Variants in LRRC4C observed in about 807,000 individuals in gnomAD.
LRRC4C encodes leucine-rich repeat-containing protein 4C.
Under a neutral mutation model 33.6 loss-of-function variants are expected in LRRC4C, and 5 were observed. The observed-to-expected ratio is 0.15, with a 90% CI of 0.08 to 0.31. The LOEUF (loss-of-function observed/expected upper bound fraction) is 0.31. Ranked by LOEUF, LRRC4C falls within the 10% of genes least tolerant of loss-of-function variation. LRRC4C has a pLI of 1.00. For synonymous variants in LRRC4C, 329 were observed against 302.0 expected (o/e 1.09, Z -0.93); for missense variants, 560 against 796.7 (o/e 0.70, Z 3.58).
intron 6 of LRRC4C, among the ~76,000 whole-genome samples, chr11:40,118,097 A>G (rs1315796073): frequency 1.3e-5 from 2 of 148,644 alleles, no homozygotes; most frequent in East Asian, 1.9e-4. Context: ...ATAATGAAAT[A>G]TTAATTTCAT....
intron 3 of LRRC4C, among the ~76,000 whole-genome samples, chr11:40,461,887 A>T (rs149636425): frequency 6.6e-6 from 1 of 151,804 alleles, no homozygotes; most frequent in Admixed American, 6.6e-5. Flanking sequence ...GGTTTATAAT[A>T]AGCATAGTTA....
chr11:41,089,991 T>G (rs1940289690), intron 1 of LRRC4C, among the ~76,000 whole-genome samples: 1 of 149,924 alleles, frequency 6.7e-6, no homozygotes, highest in Admixed American at 6.8e-5. Context: ...AACAATTTAA[T>G]AGTAAGAATA....
At position 40,323,884 on chromosome 11, in the gene LRRC4C, T is replaced by G. The variant is rs994716320; in HGVS notation, c.-269-4163A>C. Among the ~76,000 whole-genome samples, 14 of 152,288 alleles carry G rather than the reference T, an allele frequency of 9.2e-5. 1 individual carries two copies. The highest frequency in any genetic ancestry group is 7.8e-4 in the Admixed American group (12 of 15,302). ...GGTATCAGAGGTAGCTAGATAAGAC[T>G]GAGGAGAATCAAGGACAACTATCTG... On this transcript the variant is annotated intron_variant, in intron 3 of 6. Coordinates refer to ENST00000528697, the MANE Select transcript of LRRC4C (RefSeq NM_001258419.2).
chr11:40,610,559 C>G (rs1961111624), intron 3 of LRRC4C, among the ~76,000 whole-genome samples: 2 of 142,016 alleles, frequency 1.4e-5, no homozygotes, highest in Non-Finnish European at 3.2e-5. Context: ...AAAAAGCGTT[C>G]AAATAAAAAA....
chr11:40,969,555 CA>C (rs951035532), intron 1 of LRRC4C, among the ~76,000 whole-genome samples: 3 of 152,098 alleles, frequency 2.0e-5, no homozygotes, highest in South Asian at 2.1e-4. Flanking sequence ...TTAGCCACCC[CA>C]ACCTTCAGCA....
chr11:40,451,917 A>T (rs1217635249), intron 3 of LRRC4C, among the ~76,000 whole-genome samples: 1 of 152,048 alleles, frequency 6.6e-6, no homozygotes, highest in African/African-American at 2.4e-5. Flanking sequence ...GGTTCATCTC[A>T]CTGGGGATTG....
chr11:40,131,080 C>T (rs1427190027), intron 6 of LRRC4C, among the ~76,000 whole-genome samples: 1 of 152,140 alleles, frequency 6.6e-6, no homozygotes, highest in African/African-American at 2.4e-5. Flanking sequence ...TAAGTTTTCT[C>T]AAAGACAGAA....
chr11:40,739,845 T>C (rs1948076150), intron 2 of LRRC4C, among the ~76,000 whole-genome samples: 1 of 152,014 alleles, frequency 6.6e-6, no homozygotes, highest in African/African-American at 2.4e-5. Context: ...CTTTTCTTTA[T>C]GGATTACCCA....
intron 1 of LRRC4C, among the ~76,000 whole-genome samples, chr11:41,310,078 A>C (rs1950605493): frequency 6.6e-6 from 1 of 152,218 alleles, no homozygotes; most frequent in African/African-American, 2.4e-5. Flanking sequence ...CAAGGAAAAG[A>C]CTAGGGTTTC....
intron 1 of LRRC4C, among the ~76,000 whole-genome samples, chr11:41,367,409 T>C (rs537928144): frequency 6.6e-6 from 1 of 152,262 alleles, no homozygotes; most frequent in African/African-American, 2.4e-5. Context: ...GTAAGCTCTA[T>C]CTTTAATGGG....
chr11:41,218,152 A>G (rs1215406338), intron 1 of LRRC4C, among the ~76,000 whole-genome samples: 1 of 152,176 alleles, frequency 6.6e-6, no homozygotes, highest in Non-Finnish European at 1.5e-5. Context: ...AAAAAAAAAA[A>G]AACTTTAGTC....
At chr11:40,259,754 C>G (rs1220634064) in intron 4 of LRRC4C, among the ~76,000 whole-genome samples, 1 of 152,094 alleles carries the variant, frequency 6.6e-6, no homozygotes. Context: ...GGGCTCTGTT[C>G]TGTTCCATTG....
chr11:40,527,934 TG>T (rs944850598), intron 3 of LRRC4C, among the ~76,000 whole-genome samples: 8 of 151,994 alleles, frequency 5.3e-5, no homozygotes, highest in South Asian at 4.2e-4. Context: ...TTAGTAGAGG[TG>T]GGGTTTCTCC....
rs149079084 is a variant in LRRC4C, at chr11:41,008,177, A to G, written c.-495-74454T>C. 9.4e-3 allele frequency among the ~76,000 whole-genome samples: 1,426 copies of G among 152,162 alleles called. 22 individuals are homozygous for G. Among genetic ancestry groups the G allele is most frequent in the African/African-American group, 0.033 (1,355 of 41,536 alleles). ...CCTCTTCCCTAGACTTTTGCCTCAA[A>G]TGCTTTTCTTCTTCTTTGCTTTCTC... On this transcript the variant is annotated intron_variant, in intron 1 of 6. Coordinates refer to ENST00000528697, the MANE Select transcript of LRRC4C (RefSeq NM_001258419.2).
At chr11:40,213,509 T>A (rs1863757666) in intron 5 of LRRC4C, among the ~76,000 whole-genome samples, 1 of 152,254 alleles carries the variant, frequency 6.6e-6, no homozygotes, top group South Asian at 2.1e-4. Context: ...CTTAACAGAA[T>A]TCCTCCAAAT....
chr11:40,784,257 C>G (rs972544838), intron 2 of LRRC4C, among the ~76,000 whole-genome samples: 4 of 152,158 alleles, frequency 2.6e-5, no homozygotes, highest in Admixed American at 6.5e-5. Flanking sequence ...AATTGGCAAG[C>G]AGTCACTAAG....
intron 4 of LRRC4C, among the ~76,000 whole-genome samples, chr11:40,278,400 AC>A (rs1185427551): frequency 1.3e-5 from 2 of 152,182 alleles, no homozygotes; most frequent in Non-Finnish European, 2.9e-5. Flanking sequence ...GGGACAAGTG[AC>A]CAGGAGTGTG....
At chr11:40,588,833 T>A (rs1302816818) in intron 3 of LRRC4C, among the ~76,000 whole-genome samples, 1 of 152,220 alleles carries the variant, frequency 6.6e-6, no homozygotes, top group South Asian at 2.1e-4. Flanking sequence ...TGCACTGTGG[T>A]CTGAGAGATA....
At position 41,303,178 on chromosome 11, in the gene LRRC4C, G is replaced by A. The variant is rs1197506037; in HGVS notation, c.-496+156253C>T. 7.1e-5 allele frequency among the ~76,000 whole-genome samples: 10 copies of A among 140,686 alleles called. No individual in the cohort carries two copies. In the South Asian group the frequency reaches 9.8e-4, roughly 14 times the overall value. The allele number at this position is 140,686 out of a possible 152,430, so 92.3% of individuals were successfully genotyped here. On this transcript the variant is annotated intron_variant, in intron 1 of 6. Transcript: ENST00000528697. Reference sequence around the variant, plus strand: ...AGCTGGACTGTACTGCTGCCATCTCGGCTCACTGCAACCTCCCTGCCTGAT... The same window carrying A: ...AGCTGGACTGTACTGCTGCCATCTCAGCTCACTGCAACCTCCCTGCCTGAT...
Sources: allele counts gnomAD v4.1 joint callset (sites outside exome capture counted in the v4.1 genomes callset), GRCh38; gene constraint gnomAD v4.1.1; transcripts MANE v1.5; gene names NCBI Gene and HGNC (gene_info 2026-07-23, HGNC 2026-07-21).